Variants in TGIF1 observed in about 807,000 individuals in gnomAD.
The protein encoded by TGIF1 is TGFB induced factor homeobox 1.
In TGIF1, 4 loss-of-function variants were observed where a neutral mutation model predicts 19.3. That is an observed-to-expected ratio of 0.21 (90% CI 0.10 to 0.47). TGIF1 has a LOEUF of 0.47. Ranked by LOEUF, TGIF1 falls within the 20% of genes least tolerant of loss-of-function variation. The probability of loss-of-function intolerance (pLI) is 0.98; values close to 1 mark genes in which losing one functional copy is unlikely to be tolerated. For missense variants in TGIF1, 275 were observed against 341.4 expected (o/e 0.81, Z 1.53); for synonymous variants, 122 against 129.3 (o/e 0.94, Z 0.38).
At chr18:3,448,965 C>A (rs2082811570), upstream of TGIF1, among the ~76,000 whole-genome samples, 1 of 152,048 alleles carries the variant, frequency 6.6e-6, no homozygotes, top group Non-Finnish European at 1.5e-5. Flanking sequence ...GCTTTTCTTT[C>A]CTTTTTTTAA....
At chr18:3,418,257 A>C (rs2082358009) in intron 2 of TGIF1, 1 of 152,154 alleles carries the variant, frequency 6.6e-6, no homozygotes, top group South Asian at 2.1e-4. Context: ...TGGAAGTTGC[A>C]CACTTCATTT....
In TGIF1 at chr18:3,451,227, G is replaced by A. The variant is rs2082914705; in HGVS notation, c.16+722G>A. Among the ~76,000 whole-genome samples the A allele has an allele frequency of 2.0e-5, 3 of 152,202 alleles. No individual in the cohort carries two copies. The highest frequency in any genetic ancestry group is 2.9e-5 in the Non-Finnish European group (2 of 68,024). ...ATGCAGTCAAAATGCGTCCAAATGT[G>A]ACAAGCAGGCTTGGTTGTAAGTGCA... On this transcript the variant is annotated intron_variant, in intron 1 of 2. Coordinates refer to ENST00000343820, the MANE Select transcript of TGIF1 (RefSeq NM_003244.4). This position sits in a 1 kb window ranked among gnomAD's most constrained non-coding sequence, Gnocchi z 5.4.
intron 2 of TGIF1, among the ~76,000 whole-genome samples, chr18:3,425,851 G>T (rs772475316): frequency 6.6e-6 from 1 of 152,102 alleles, no homozygotes; most frequent in African/African-American, 2.4e-5. Flanking sequence ...GGGCCTGTGC[G>T]GGAAGAACCC....
rs764686030 is a variant in TGIF1 at position 3,451,963 on chromosome 18, G to T, written c.16+1458G>T. The T allele has an allele frequency of 6.4e-7, 1 of 1,566,004 alleles. No individual in the cohort carries two copies. Among genetic ancestry groups the T allele is most frequent in the South Asian group, 1.2e-5 (1 of 83,370 alleles). ...GTGGGCCTCCCGGGAATAAGTGAGG[G>T]GCTCTGTGTTTCGAGGATGGTTCTA... On this transcript the variant is annotated intron_variant, in intron 1 of 2. Transcript: ENST00000343820. The surrounding 1 kb of genome is among the most constrained non-coding windows in gnomAD (Gnocchi z 5.4).
chr18:3,436,870 C>T (rs781210879), intron 2 of TGIF1, among the ~76,000 whole-genome samples: 5 of 151,418 alleles, frequency 3.3e-5, no homozygotes, highest in Non-Finnish European at 7.4e-5. Context: ...TCTGGGAGGC[C>T]GAGGTGGGTG....
intron 2 of TGIF1, among the ~76,000 whole-genome samples, chr18:3,434,202 C>A (rs2082586491): frequency 6.6e-6 from 1 of 151,924 alleles, no homozygotes; most frequent in Non-Finnish European, 1.5e-5. Flanking sequence ...CCACCCTGGC[C>A]AACATGGTGA....
upstream of TGIF1, among the ~76,000 whole-genome samples, chr18:3,446,493 G>A (rs974648653): frequency 1.3e-4 from 20 of 152,174 alleles, no homozygotes; most frequent in African/African-American, 4.6e-4. Flanking sequence ...CTATCTTTTC[G>A]TTTTATCCCC....
At position 3,458,733 on chromosome 18, in the gene TGIF1, A is replaced by AAACAGATCAG. The variant is rs2049441632; in HGVS notation, c.*795_*796insCAGATCAGAA. Reference sequence around the variant, plus strand: ...TTAAAACGTGGCCATGTTATAAAGAAAAGTCTTGAAGCATCCGGTTATTGC... The same window carrying AAACAGATCAG: ...TTAAAACGTGGCCATGTTATAAAGAAAACAGATCAGAAGTCTTGAAGCATCCGGTTATTGC... On this transcript the variant is annotated 3_prime_UTR_variant, in exon 3 of 3. Coordinates refer to ENST00000343820, the MANE Select transcript of TGIF1 (RefSeq NM_003244.4). 6.6e-6 allele frequency: 1 copy of AAACAGATCAG among 152,252 alleles called. No individual in the cohort carries two copies. The highest frequency in any genetic ancestry group is 2.4e-5 in the African/African-American group (1 of 41,472). 9.4% of individuals were successfully genotyped at this position (152,252 alleles called of 1,614,324 possible). A position where few individuals can be genotyped will look rare whatever the true frequency, so the allele number is the denominator to read the frequency against.
At position 3,457,586 on chromosome 18, in the gene TGIF1, A is replaced by G. The variant is rs1232226883; in HGVS notation, c.465A>G (p.Pro155=). The change falls in exon 3 of 3, where the codon CCA becomes CCG. Residue 155 remains proline (P), a synonymous_variant. Coordinates refer to ENST00000343820, the MANE Select transcript of TGIF1 (RefSeq NM_003244.4). The surrounding 1 kb of genome is among the most constrained non-coding windows in gnomAD (Gnocchi z 4.9). Reference sequence around the variant, plus strand: ...GGCCAAACCCAACCCTAGGGAGGCCACTGTCTCCTAAGCCGTCATCCCCGG... The same window carrying G: ...GGCCAAACCCAACCCTAGGGAGGCCGCTGTCTCCTAAGCCGTCATCCCCGG... ...TAGPNPTLGR[P]LSPKPSSPGS... is the part of the protein sequence containing the mutation. 2.5e-6 allele frequency: 4 copies of G among 1,614,086 alleles called. No individual in the cohort carries two copies. The African/African-American group carries it at 5.3e-5, about 22-fold the overall frequency.
chr18:3,441,245 A>G (rs1035831404), intron 2 of TGIF1, among the ~76,000 whole-genome samples: 1 of 152,194 alleles, frequency 6.6e-6, no homozygotes, highest in Non-Finnish European at 1.5e-5. Flanking sequence ...GCTTTTGAAA[A>G]TTTTATACAA....
chr18:3,440,795 C>T (rs1204620151), intron 2 of TGIF1, among the ~76,000 whole-genome samples: 1 of 152,180 alleles, frequency 6.6e-6, no homozygotes, highest in East Asian at 1.9e-4. Flanking sequence ...CGGATGTAGG[C>T]TCCCTGAGTC....
chr18:3,447,815 T>G (rs1443028332), upstream of TGIF1: 2 of 1,613,818 alleles, frequency 1.2e-6, no homozygotes, highest in Non-Finnish European at 1.7e-6. Context: ...CACATCTCCG[T>G]TTTTTCCTCC....
chr18:3,451,923 G>A lies in TGIF1; in HGVS notation c.16+1418G>A, dbSNP rs962678422. The stretch of plus-strand genomic sequence containing the variant: ...GGAGGACTGACAGGTCTAGAGACAC[G>A]CGCTGTCTGTTGTGGTGGGCCTCCC... On this transcript the variant is annotated intron_variant, in intron 1 of 2. Transcript: ENST00000343820. This position sits in a 1 kb window ranked among gnomAD's most constrained non-coding sequence, Gnocchi z 5.4. 1.3e-6 allele frequency: 2 copies of A among 1,534,054 alleles called. No individual in the cohort carries two copies. The highest frequency in any genetic ancestry group is 1.3e-5 in the South Asian group (1 of 78,800).
At chr18:3,449,797 T>C (rs544366318), upstream of TGIF1, 1,329 of 984,446 alleles carry the variant, frequency 1.4e-3, 9 homozygotes, top group African/African-American at 0.021. Flanking sequence ...TTCCCGGGGG[T>C]GGAGGAGGGA....
rs1275111730 is a variant in TGIF1, at chr18:3,451,823, G to A, written c.16+1318G>A. 2.2e-6 allele frequency: 3 copies of A among 1,346,886 alleles called. No homozygotes were observed. Among genetic ancestry groups the A allele is most frequent in the Non-Finnish European group, 1.9e-6 (2 of 1,049,216 alleles). The allele number at this position is 1,346,886 out of a possible 1,614,324, so 83.4% of individuals were successfully genotyped here. On this transcript the variant is annotated intron_variant, in intron 1 of 2. Coordinates refer to ENST00000343820, the MANE Select transcript of TGIF1 (RefSeq NM_003244.4). The surrounding 1 kb of genome is among the most constrained non-coding windows in gnomAD (Gnocchi z 5.4). ...CCCCGCGGGACGGAGGGAGGACTCG[G>A]GACAGGGAATTGGCCCTGGGAGAAA...
chr18:3,457,419 A>G lies in TGIF1; in HGVS notation c.298A>G (p.Lys100Glu), dbSNP rs533150747. The part of the protein sequence containing the change: ...RRRLLPDMLR[K>E]DGKDPNQFTI... ...CAGGCTCCTCCCTGACATGCTGAGA[A>G]AGGATGGCAAAGATCCAAATCAGTT... is the stretch of plus-strand genomic sequence containing the variant. The change falls in exon 3 of 3, where the codon AAG (lysine) becomes GAG (glutamate). Residue 100 changes from lysine (K) to glutamate (E), a missense_variant. Lys to Glu is a moderately conservative substitution (Grantham distance 56, BLOSUM62 1). Coordinates refer to ENST00000343820, the MANE Select transcript of TGIF1 (RefSeq NM_003244.4). The surrounding 1 kb of genome is among the most constrained non-coding windows in gnomAD (Gnocchi z 4.9). 1 of 1,614,230 alleles carries G rather than the reference A, an allele frequency of 6.2e-7. No individual in the cohort carries two copies. Among genetic ancestry groups the G allele is most frequent in the African/African-American group, 1.3e-5 (1 of 75,056 alleles).
rs2049356990 is a variant in TGIF1 at position 3,456,438 on chromosome 18, G to T, written c.101G>T (p.Gly34Val). 1 of 1,614,122 alleles carries T rather than the reference G, an allele frequency of 6.2e-7. No individual in the cohort carries two copies. The highest frequency in any genetic ancestry group is 1.7e-5 in the Admixed American group (1 of 60,012). ...GACCTTTCTTCATCCGCTGGCTCAG[G>T]CAAGAGAAGGAGAAGGGGCAACCTA... ...PLDLSSSAGS[G>V]KRRRRGNLPK... is the part of the protein sequence containing the mutation. Residue 34 changes from glycine (G) to valine (V), a missense_variant, in exon 2 of 3, where the codon GGC becomes GTC. Physicochemically the swap from Gly to Val is moderately radical, Grantham distance 109. Transcript: ENST00000343820. This position sits in a 1 kb window ranked among gnomAD's most constrained non-coding sequence, Gnocchi z 4.2.
chr18:3,418,607 A>G (rs1346263358), intron 2 of TGIF1: 2 of 152,180 alleles, frequency 1.3e-5, no homozygotes, highest in East Asian at 1.9e-4. Context: ...TACATTTTCT[A>G]TCCACAGTTG....
At chr18:3,441,736 G>T (rs2082679306) in intron 2 of TGIF1, among the ~76,000 whole-genome samples, 1 of 152,132 alleles carries the variant, frequency 6.6e-6, no homozygotes, top group Non-Finnish European at 1.5e-5. Flanking sequence ...TTAACCGAAG[G>T]TAGTCAATTA....
Sources: allele counts gnomAD v4.1 joint callset (sites outside exome capture counted in the v4.1 genomes callset), GRCh38; gene constraint gnomAD v4.1.1; non-coding constraint Gnocchi (gnomAD v3.1); transcripts MANE v1.5; gene names NCBI Gene and HGNC (gene_info 2026-07-23, HGNC 2026-07-21).